Variants in CPEB2 observed in about 807,000 individuals in gnomAD.
CPEB2 encodes cytoplasmic polyadenylation element binding protein 2.
A neutral mutation model predicts 93.6 loss-of-function variants in CPEB2; 56 were observed. The observed-to-expected ratio is 0.60, with a 90% confidence interval of 0.48 to 0.75. The LOEUF is 0.75. CPEB2 is among the 30% of genes least tolerant of loss of function. CPEB2 has a pLI of 0.00. For missense variants in CPEB2, 1,579 were observed against 1,395.1 expected, an observed-to-expected ratio of 1.13 and a Z score of -2.10; for synonymous variants, 764 against 586.3, an observed-to-expected ratio of 1.30 and a Z score of -4.38.
At chr4:15,021,163 A>G (rs907202457) in intron 4 of CPEB2, among the ~76,000 whole-genome samples, 5 of 152,084 alleles carry the variant, frequency 3.3e-5, no homozygotes, top group South Asian at 2.1e-4. Context: ...GTGAACAGTG[A>G]CACACTGTTA....
At chr4:15,038,016 G>A (rs1030709588) in intron 5 of CPEB2, among the ~76,000 whole-genome samples, 1 of 152,174 alleles carries the variant, frequency 6.6e-6, no homozygotes, top group African/African-American at 2.4e-5. Flanking sequence ...GATGGTGGCA[G>A]ATTAGTTATT....
Position 15,004,248 on chromosome 4 carries a change from G to C in CPEB2, c.1575G>C (p.Arg525Ser), listed in dbSNP as rs1722466986. The change falls in exon 1 of 12, where the codon AGG becomes AGC. Residue 525 changes from arginine (R) to serine (S), a missense_variant. Arg to Ser is a moderately radical substitution (Grantham distance 110, BLOSUM62 -1). Coordinates refer to ENST00000538197, the MANE Select transcript of CPEB2 (RefSeq NM_001177382.2). ...PAAPQQPQSR[R>S]SPVSPQLQQQ... ...CGCCGCAGCAGCCGCAGAGCCGGAG[G>C]TCGCCCGTCAGCCCGCAGCTCCAGC... The C allele has an allele frequency of 3.3e-6, 5 of 1,494,446 alleles. No homozygotes were observed. In the South Asian group the frequency reaches 6.2e-5, roughly 19 times the overall value. 92.6% of individuals were successfully genotyped at this position (1,494,446 alleles called of 1,614,324 possible).
In CPEB2 at chr4:15,068,577, T is replaced by C. The variant is rs1305944239; in HGVS notation, c.*2197T>C. 6.6e-6 allele frequency: 1 copy of C among 152,350 alleles called. No individual in the cohort carries two copies. 9.4% of individuals were successfully genotyped at this position (152,350 alleles called of 1,614,324 possible). On this transcript the variant is annotated 3_prime_UTR_variant, in exon 12 of 12. Transcript: ENST00000538197. Reference sequence around the variant, plus strand: ...TTTTGGAATTTAGAGAAGAAATCAGTAGTTTTGCAATGTTAATTATTTAGA... The same window carrying C: ...TTTTGGAATTTAGAGAAGAAATCAGCAGTTTTGCAATGTTAATTATTTAGA...
intron 1 of CPEB2, among the ~76,000 whole-genome samples, chr4:15,006,734 A>G (rs1333831557): frequency 1.3e-5 from 2 of 152,248 alleles, no homozygotes; most frequent in Admixed American, 6.5e-5. Flanking sequence ...TAACAGTTAA[A>G]TAAACAATGC....
Position 15,007,317 on chromosome 4 carries a change from C to A in CPEB2, c.1675C>A (p.Gln559Lys). The A allele has an allele frequency of 6.7e-7, 1 of 1,493,212 alleles. No homozygotes were observed. The highest frequency in any genetic ancestry group is 9.0e-7 in the Non-Finnish European group (1 of 1,112,368). The allele number at this position is 1,493,212 out of a possible 1,614,324, so 92.5% of individuals were successfully genotyped here. The change falls in exon 2 of 12, where the codon CAG becomes AAG. Residue 559 changes from glutamine to lysine, a missense_variant. This residue lies in a region of CPEB2 where 1,411 missense variants were observed against 1,056.0 expected (regional missense o/e 1.34). Transcript: ENST00000538197. ...SYNHHQPLLK[Q>K]SPWSNHQSSG... Reference sequence around the variant, plus strand: ...ATGTTTTCCCTAGCCTCTTCTGAAACAGTCTCCCTGGAGCAACCATCAGAG... The same window carrying A: ...ATGTTTTCCCTAGCCTCTTCTGAAAAAGTCTCCCTGGAGCAACCATCAGAG...
At chr4:15,038,309 TATC>T (rs1243307464) in intron 5 of CPEB2, among the ~76,000 whole-genome samples, 3 of 152,232 alleles carry the variant, frequency 2.0e-5, no homozygotes, top group Admixed American at 6.5e-5. Flanking sequence ...CTGGCTATGA[TATC>T]ATTAATTTTC....
At chr4:15,059,149 C>G (rs761058587) in intron 9 of CPEB2, 38 bp from the exon 10 acceptor site, 2 of 1,221,608 alleles carry the variant, frequency 1.6e-6, no homozygotes, top group South Asian at 2.6e-5. Flanking sequence ...TCTCATAAGA[C>G]ATCAAGGGAG....
chr4:15,013,904 A>T (rs1291875200), intron 3 of CPEB2, among the ~76,000 whole-genome samples: 4 of 152,056 alleles, frequency 2.6e-5, no homozygotes, highest in Non-Finnish European at 5.9e-5. Context: ...GAGACCTTAT[A>T]AGTAGGCATC....
chr4:15,008,529 CAT>C (rs756354474), intron 3 of CPEB2, 102 bp downstream of exon 3: 1 of 685,026 alleles, frequency 1.5e-6, no homozygotes, highest in East Asian at 3.0e-5. Flanking sequence ...CCTATTGAAA[CAT>C]ATGTTAGAGG....
rs1722088645 is a variant in CPEB2, at chr4:15,002,551, A to G, written c.-123A>G. 1.3e-6 allele frequency: 1 copy of G among 753,638 alleles called. No individual in the cohort carries two copies. The allele number at this position is 753,638 out of a possible 1,614,324, so 46.7% of individuals were successfully genotyped here. On this transcript the variant is annotated 5_prime_UTR_variant, in exon 1 of 12. Coordinates refer to ENST00000538197, the MANE Select transcript of CPEB2 (RefSeq NM_001177382.2). ...GAAGTCGGTGCCCCCTGGCTCAGTC[A>G]CGGTGTCCCTCTCTCACTGACTCCC...
At chr4:15,064,617 A>G (rs1340287680) in intron 11 of CPEB2, among the ~76,000 whole-genome samples, 5 of 152,006 alleles carry the variant, frequency 3.3e-5, no homozygotes, top group Non-Finnish European at 7.4e-5. Flanking sequence ...AAACCCAGAA[A>G]ACATATGTAA....
At chr4:15,026,481 C>G (rs1936932565) in intron 4 of CPEB2, among the ~76,000 whole-genome samples, 1 of 152,184 alleles carries the variant, frequency 6.6e-6, no homozygotes, top group East Asian at 1.9e-4. Flanking sequence ...CCGCCTGGGT[C>G]TCCCAAAATG....
Position 15,007,356 on chromosome 4 carries a change from A to T in CPEB2, c.1714A>T (p.Thr572Ser), listed in dbSNP as rs930150227. The T allele has an allele frequency of 6.2e-7, 1 of 1,600,682 alleles. No homozygotes were observed. The highest frequency in any genetic ancestry group is 8.5e-7 in the Non-Finnish European group (1 of 1,171,528). ...WSNHQSSGWG[T>S]GSMSWGAMHG... is the part of the protein sequence containing the mutation. ...CAACCATCAGAGCAGTGGCTGGGGCACTGGAAGTATGTCCTGGGGAGCAAT... is the reference window on the plus strand; with the variant it reads ...CAACCATCAGAGCAGTGGCTGGGGCTCTGGAAGTATGTCCTGGGGAGCAAT... Residue 572 changes from threonine to serine, a missense_variant, in exon 2 of 12, where the codon ACT (threonine) becomes TCT (serine). Coordinates refer to ENST00000538197, the MANE Select transcript of CPEB2 (RefSeq NM_001177382.2).
intron 8 of CPEB2, among the ~76,000 whole-genome samples, chr4:15,054,879 T>TA (rs550442338): frequency 6.6e-6 from 1 of 151,390 alleles, no homozygotes; most frequent in Non-Finnish European, 1.5e-5. Flanking sequence ...CTGAAATGAA[T>TA]AAAAAAAAGA....
intron 4 of CPEB2, among the ~76,000 whole-genome samples, chr4:15,019,061 T>G (rs757146891): frequency 1.3e-5 from 2 of 150,760 alleles, no homozygotes; most frequent in Non-Finnish European, 3.0e-5. Flanking sequence ...TATCTTTGGC[T>G]GTGAGAAGGG....
intron 2 of CPEB2, 63 bp downstream of exon 2, chr4:15,007,649 G>A: frequency 9.0e-7 from 1 of 1,116,708 alleles, no homozygotes; most frequent in Non-Finnish European, 1.2e-6. Flanking sequence ...GGAGTTGGGT[G>A]GTGGTGGTAG....
intron 11 of CPEB2, among the ~76,000 whole-genome samples, chr4:15,062,650 A>G (rs547734342): frequency 4.4e-4 from 67 of 152,192 alleles, no homozygotes; most frequent in African/African-American, 1.5e-3. Flanking sequence ...AACAATGATA[A>G]CATGTCTTTC....
intron 6 of CPEB2, among the ~76,000 whole-genome samples, chr4:15,044,492 TTAAA>T (rs1193076654): frequency 6.6e-6 from 1 of 152,158 alleles, no homozygotes; most frequent in South Asian, 2.1e-4. Flanking sequence ...TATCTAGAAA[TTAAA>T]TAAAATTTAC....
At position 15,004,899 on chromosome 4, in the gene CPEB2, G is replaced by C. The variant is rs553921548; in HGVS notation, c.1662+564G>C. 6 of 152,288 alleles carry C rather than the reference G, an allele frequency of 3.9e-5. 1 individual carries two copies. The highest frequency in any genetic ancestry group is 1.2e-4 in the African/African-American group (5 of 41,462). The allele number at this position is 152,288 out of a possible 1,614,324, so 9.4% of individuals were successfully genotyped here. A position where few individuals can be genotyped will look rare whatever the true frequency, so the allele number is the denominator to read the frequency against. On this transcript the variant is annotated intron_variant, in intron 1 of 11. Coordinates refer to ENST00000538197, the MANE Select transcript of CPEB2 (RefSeq NM_001177382.2). ...GCGGAGGAGCCCAAGACTCTGTCTCGCTGTCCAATGAGGGAAGGCGGAAAG... is the reference window on the plus strand; with the variant it reads ...GCGGAGGAGCCCAAGACTCTGTCTCCCTGTCCAATGAGGGAAGGCGGAAAG...
Sources: gnomAD v4.1 joint callset for allele counts (sites outside exome capture counted in the v4.1 genomes callset) on GRCh38, gnomAD v4.1.1 for gene constraint, gnomAD v4.1.1 regional missense constraint, MANE v1.5 for transcripts, NCBI Gene and HGNC (gene_info 2026-07-23, HGNC 2026-07-21) for gene names.